The following SUN1 variants were observed in gnomAD, a reference collection of about 807,000 sequenced individuals.
SUN1 encodes Sad1 and UNC84 domain containing 1, also known as SUN domain-containing protein 1.
A neutral mutation model predicts 103.2 loss-of-function variants in SUN1; 61 were observed. The ratio of observed to expected loss-of-function variants is 0.59; its 90% CI spans 0.48 to 0.73. The LOEUF is 0.73. Among genes scored for constraint, SUN1 ranks in the 30% least tolerant of loss-of-function variants. SUN1 has a pLI of 0.00. For missense variants in SUN1, 1,052 were observed against 1,034.6 expected (o/e 1.02, Z -0.23); for synonymous variants, 490 against 425.7 (o/e 1.15, Z -1.86).
chr7:863,252 A>G (rs8180750), intron 15 of SUN1, among the ~76,000 whole-genome samples: 613 of 43,962 alleles, frequency 0.014, no homozygotes, highest in South Asian at 0.033. Flanking sequence ...GCTGCCCAGC[A>G]TTCACCAGCG....
chr7:856,423 T>A, intron 12 of SUN1, 22 bp downstream of exon 12: 1 of 1,613,780 alleles, frequency 6.2e-7, no homozygotes, highest in Non-Finnish European at 8.5e-7. Flanking sequence ...TGGAAAACAT[T>A]CACTTTTGTC....
chr7:871,480 C>T (rs929983146), intron 17 of SUN1, among the ~76,000 whole-genome samples: 15 of 152,142 alleles, frequency 9.9e-5, no homozygotes, highest in African/African-American at 1.7e-4. Flanking sequence ...GTCCGCCTCC[C>T]GGGTTCAAGC....
rs957827980 is a variant in SUN1 at position 856,399 on chromosome 7, C to T, written c.1392C>T (p.Ile464=). The T allele has an allele frequency of 6.2e-7, 1 of 1,614,038 alleles. No individual in the cohort carries two copies. The highest frequency in any genetic ancestry group is 1.1e-5 in the South Asian group (1 of 91,068). The change falls in exon 12 of 19, where the codon ATC becomes ATT. Residue 464 remains isoleucine, a splice_region_variant and synonymous_variant. Coordinates refer to ENST00000401592, the MANE Select transcript of SUN1 (RefSeq NM_001130965.3). The part of the protein sequence containing the change: ...KELEQTKQKT[I]SAVGEQLLPT... ...TAGAACAGACCAAGCAAAAAACAATCAGGTAGGAGGATTTGGAAAACATTC... is the reference window on the plus strand; with the variant it reads ...TAGAACAGACCAAGCAAAAAACAATTAGGTAGGAGGATTTGGAAAACATTC...
chr7:823,013 T>C (rs1006437096), intron 1 of SUN1, among the ~76,000 whole-genome samples: 5 of 152,304 alleles, frequency 3.3e-5, no homozygotes, highest in South Asian at 2.1e-4. Context: ...CACGTGGCCC[T>C]GTGGCCACGC....
chr7:866,516 GTCT>G (rs1836739377), intron 16 of SUN1, among the ~76,000 whole-genome samples: 1 of 23,540 alleles, frequency 4.2e-5, no homozygotes, highest in African/African-American at 2.1e-4. Flanking sequence ...TTTGCCCCCC[GTCT>G]CCCCGGGCCT....
chr7:837,441 T>G (rs1335228163), intron 1 of SUN1, among the ~76,000 whole-genome samples: 1 of 151,352 alleles, frequency 6.6e-6, no homozygotes, highest in African/African-American at 2.5e-5. Context: ...TTGGAGTCAA[T>G]TTTTTTCAAT....
chr7:870,388 G>A (rs1369561954), intron 17 of SUN1, among the ~76,000 whole-genome samples: 3 of 152,088 alleles, frequency 2.0e-5, no homozygotes, highest in Admixed American at 6.6e-5. Flanking sequence ...TTAGGAGTTC[G>A]AGACCAGCCT....
At chr7:865,285 T>C (rs766829325) in intron 15 of SUN1, among the ~76,000 whole-genome samples, 3 of 151,818 alleles carry the variant, frequency 2.0e-5, no homozygotes, top group Non-Finnish European at 4.4e-5. Context: ...TTTGTGTATT[T>C]TTAGCAGAGA....
chr7:855,706 G>A (rs942107807), intron 11 of SUN1, among the ~76,000 whole-genome samples: 2 of 152,256 alleles, frequency 1.3e-5, no homozygotes, highest in African/African-American at 4.8e-5. Context: ...AGAGGAGCAG[G>A]CAGAGGCGAG....
intron 1 of SUN1, 85 bp from the exon 2 acceptor site, chr7:838,713 G>A (rs1562583607): frequency 1.5e-6 from 2 of 1,334,582 alleles, no homozygotes; most frequent in Non-Finnish European, 2.0e-6. Context: ...ACAGTACATT[G>A]CACTTTCAGT....
chr7:828,292 G>C (rs1794638091), upstream of SUN1, among the ~76,000 whole-genome samples: 1 of 150,906 alleles, frequency 6.6e-6, no homozygotes, highest in Non-Finnish European at 1.5e-5. Context: ...TGTTTTTTGA[G>C]ACAGAGTCTC....
chr7:867,600 C>G (rs1297701832), intron 16 of SUN1, among the ~76,000 whole-genome samples: 3 of 152,212 alleles, frequency 2.0e-5, no homozygotes, highest in African/African-American at 4.8e-5. Flanking sequence ...TGGCACAGTT[C>G]TCTCTCAGAA....
At chr7:837,364 C>G (rs532278237) in intron 1 of SUN1, among the ~76,000 whole-genome samples, 24 of 152,342 alleles carry the variant, frequency 1.6e-4, no homozygotes, top group African/African-American at 5.1e-4. Flanking sequence ...CTGAGTTAAC[C>G]TCGTGTGCCT....
rs115436857 is a variant in SUN1 at position 827,431 on chromosome 7, A to G, written c.-74+10758A>G. Among the ~76,000 whole-genome samples, 415 of 151,124 alleles carry G rather than the reference A, an allele frequency of 2.7e-3. 4 individuals carry two copies. The highest frequency in any genetic ancestry group is 9.0e-3 in the African/African-American group (372 of 41,170). ...ACAGATATTCTGAATAGTAGACTCA[A>G]GTGATATGGAGAGTAGGACTAAAAT... On this transcript the variant is annotated intron_variant, in intron 1 of 17. Transcript: ENST00000389574.
In SUN1 at chr7:843,531, G is replaced by A; in HGVS notation, c.658+11G>A. On this transcript the variant is annotated intron_variant, in intron 5 of 18. Coordinates refer to ENST00000401592, the MANE Select transcript of SUN1 (RefSeq NM_001130965.3). ...ACAGGAATCAAAAATGTAAGTCTCA[G>A]TCCTTTAAAACTCAGAAAAAGGTGT... The A allele has an allele frequency of 1.2e-6, 2 of 1,613,974 alleles. No individual in the cohort carries two copies. The highest frequency in any genetic ancestry group is 1.7e-6 in the Non-Finnish European group (2 of 1,179,916).
At chr7:851,860 T>C (rs570689287) in intron 6 of SUN1, 90 bp from the exon 7 acceptor site, 3 of 1,363,398 alleles carry the variant, frequency 2.2e-6, no homozygotes, top group African/African-American at 1.4e-5. Context: ...CTTCATGTGC[T>C]TCTAGCTTGG....
At chr7:821,893 C>G (rs1400390888) in intron 1 of SUN1, among the ~76,000 whole-genome samples, 3 of 152,188 alleles carry the variant, frequency 2.0e-5, no homozygotes, top group African/African-American at 7.2e-5. Flanking sequence ...TGTCGTCGGC[C>G]TCACCTTTCC....
rs1408156520 is a variant in SUN1 at position 874,445 on chromosome 7, AT to A, written c.*1116del. 4 of 152,628 alleles carry A rather than the reference AT, an allele frequency of 2.6e-5. No individual in the cohort carries two copies. Among genetic ancestry groups the A allele is most frequent in the African/African-American group, 9.7e-5 (4 of 41,414 alleles). 9.5% of individuals were successfully genotyped at this position (152,628 alleles called of 1,614,324 possible). ...GTGTTACAGATGTTTTACCTTAAGA[AT>A]TATTTAAGTTGTGTTGGGTTAAGAC... On this transcript the variant is annotated 3_prime_UTR_variant, in exon 19 of 19. Coordinates refer to ENST00000401592, the MANE Select transcript of SUN1 (RefSeq NM_001130965.3).
intron 9 of SUN1, 121 bp from the exon 10 acceptor site, chr7:853,288 C>T (rs772418441): frequency 3.5e-6 from 4 of 1,130,342 alleles, no homozygotes; most frequent in Non-Finnish European, 2.6e-6. Context: ...TGGATTCCTC[C>T]ATTCGTGTGC....
Sources: allele counts gnomAD v4.1 joint callset (sites outside exome capture counted in the v4.1 genomes callset), GRCh38; gene constraint gnomAD v4.1.1; transcripts MANE v1.5; gene names NCBI Gene and HGNC (gene_info 2026-07-23, HGNC 2026-07-21).